Variants in FAM184A observed in about 807,000 individuals in gnomAD.
FAM184A encodes the protein protein FAM184A.
FAM184A carries 99 observed loss-of-function variants against 143.8 expected under a neutral mutation model. That is an observed-to-expected ratio of 0.69 (90% CI 0.58 to 0.81). The LOEUF (loss-of-function observed/expected upper bound fraction) is 0.81, where lower values mean the gene tolerates loss of function less well. Ranked by LOEUF, FAM184A falls within the 40% of genes least tolerant of loss-of-function variation. The pLI is 0.00. For synonymous variants in FAM184A, 427 were observed against 446.4 expected (o/e 0.96, Z 0.55); for missense variants, 1,217 against 1,310.5 (o/e 0.93, Z 1.10).
intron 9 of FAM184A, among the ~76,000 whole-genome samples, chr6:118,996,698 C>A (rs977363577): frequency 2.0e-5 from 3 of 152,022 alleles, no homozygotes; most frequent in African/African-American, 7.2e-5. Flanking sequence ...GTCAAGGAAT[C>A]TGACTGAGTT....
intron 1 of FAM184A, among the ~76,000 whole-genome samples, chr6:119,050,462 TA>T (rs980061731): frequency 1.2e-4 from 13 of 107,292 alleles, no homozygotes; most frequent in South Asian, 3.1e-4. Flanking sequence ...GTTTTTTTTT[TA>T]AAAAAAGGGT....
chr6:119,063,525 T>G (rs1211379410), intron 1 of FAM184A, among the ~76,000 whole-genome samples: 3 of 152,214 alleles, frequency 2.0e-5, no homozygotes, highest in Non-Finnish European at 4.4e-5. Context: ...GTAGTGTATA[T>G]TCATAACATG....
chr6:119,027,879 G>C (rs1191502867), intron 1 of FAM184A, among the ~76,000 whole-genome samples: 1 of 152,146 alleles, frequency 6.6e-6, no homozygotes, highest in South Asian at 2.1e-4. Context: ...ATTCCCTCTA[G>C]CAAGTCAGCA....
At chr6:118,960,914 G>C in intron 17 of FAM184A, 1 of 1,019,882 alleles carries the variant, frequency 9.8e-7, no homozygotes, top group South Asian at 1.4e-5. Flanking sequence ...ATATTTAGCA[G>C]GAGACAAATT....
chr6:119,034,039 TATAG>T (rs1189057637), intron 1 of FAM184A, among the ~76,000 whole-genome samples: 525 of 30,244 alleles, frequency 0.017, 2 homozygotes, highest in African/African-American at 0.029. Flanking sequence ...TATATATATA[TATAG>T]AGAGAGAGAG....
At chr6:119,008,704 C>T (rs534366344) in intron 6 of FAM184A, among the ~76,000 whole-genome samples, 1 of 152,266 alleles carries the variant, frequency 6.6e-6, no homozygotes, top group African/African-American at 2.4e-5. Context: ...AACCTCCTCC[C>T]TGAAATATCC....
intron 1 of FAM184A, among the ~76,000 whole-genome samples, chr6:119,065,574 T>G (rs183678731): frequency 5.9e-5 from 9 of 152,310 alleles, no homozygotes; most frequent in Admixed American, 3.9e-4. Context: ...ATCTAGTCCA[T>G]CTAGTCACTC....
Position 119,129,010 on chromosome 6 carries a change from A to T in FAM184A, c.-202+20068T>A, listed in dbSNP as rs544771822. Among the ~76,000 whole-genome samples the T allele has an allele frequency of 2.2e-4, 33 of 152,090 alleles. No homozygotes were observed. The South Asian group carries it at 6.9e-3, about 32-fold the overall frequency. ...AACCTTAGCTTCACAATCTCCCTTA[A>T]CTCAAGCATTTCTTTGTGCTGACTT... On this transcript the variant is annotated intron_variant, in intron 1 of 16. Coordinates refer to the FAM184A transcript ENST00000352896.
At chr6:119,033,677 AAG>A (rs554517618) in intron 1 of FAM184A, among the ~76,000 whole-genome samples, 3,641 of 142,876 alleles carry the variant, frequency 0.025, 173 homozygotes, top group African/African-American at 0.09. Flanking sequence ...AAAAAAAAAA[AAG>A]AAAGAAAGAA....
intron 1 of FAM184A, among the ~76,000 whole-genome samples, chr6:119,137,721 T>C (rs2114885682): frequency 6.6e-6 from 1 of 152,316 alleles, no homozygotes; most frequent in Middle Eastern, 3.4e-3. Flanking sequence ...TCAGGTTCTA[T>C]GGGGTTTACT....
At chr6:119,115,536 A>G (rs1789033998) in intron 1 of FAM184A, among the ~76,000 whole-genome samples, 1 of 152,234 alleles carries the variant, frequency 6.6e-6, no homozygotes, top group Non-Finnish European at 1.5e-5. Flanking sequence ...TAATTAAAAA[A>G]TAAAAAATAA....
intron 14 of FAM184A, among the ~76,000 whole-genome samples, chr6:118,967,816 C>G (rs1430069037): frequency 2.0e-5 from 3 of 152,082 alleles, no homozygotes; most frequent in Non-Finnish European, 4.4e-5. Context: ...ATTTCAATAA[C>G]ATTATTCAAT....
intron 1 of FAM184A, among the ~76,000 whole-genome samples, chr6:119,034,915 T>C (rs549394260): frequency 3.0e-4 from 46 of 152,276 alleles, no homozygotes; most frequent in African/African-American, 1.1e-3. Context: ...ATGAATTTTG[T>C]TTACAAAAGG....
At chr6:119,124,363 T>C (rs1207824361) in intron 1 of FAM184A, among the ~76,000 whole-genome samples, 1 of 152,180 alleles carries the variant, frequency 6.6e-6, no homozygotes, top group Non-Finnish European at 1.5e-5. Flanking sequence ...TGGCAATGTT[T>C]TATGTAAATT....
chr6:119,034,580 T>TA (rs34909667), intron 1 of FAM184A, among the ~76,000 whole-genome samples: 88,037 of 148,008 alleles, frequency 0.59, 27,114 homozygotes, highest in East Asian at 0.72. Flanking sequence ...TTTTTTTTTT[T>TA]AAAAAAACCT....
chr6:118,994,139 G>A (rs1323930308), intron 9 of FAM184A, among the ~76,000 whole-genome samples: 1 of 152,134 alleles, frequency 6.6e-6, no homozygotes, highest in Non-Finnish European at 1.5e-5. Context: ...GTTTACCACA[G>A]TTGCAATTTA....
In FAM184A at chr6:118,961,722, A is replaced by G. The variant is rs761366883; in HGVS notation, c.3341+39T>C. The G allele has an allele frequency of 3.2e-6, 5 of 1,544,580 alleles. No individual in the cohort carries two copies. In the Admixed American group the frequency reaches 8.9e-5, roughly 28 times the overall value. Reference sequence around the variant, plus strand: ...GTAAGAAGGTAAATTTCTCAAGTTAAAAAAGAAAAGAAAAAAACATTGGTG... The same window carrying G: ...GTAAGAAGGTAAATTTCTCAAGTTAGAAAAGAAAAGAAAAAAACATTGGTG... On this transcript the variant is annotated intron_variant, in intron 17 of 17. Coordinates refer to ENST00000338891, the MANE Select transcript of FAM184A (RefSeq NM_024581.6).
chr6:119,056,483 T>C (rs2146762), intron 1 of FAM184A, among the ~76,000 whole-genome samples: 31,494 of 152,166 alleles, frequency 0.21, 3,612 homozygotes, highest in Middle Eastern at 0.26. Flanking sequence ...CTAGAATACA[T>C]TTCTTGTCTT....
At chr6:119,055,182 C>G (rs1342794) in intron 1 of FAM184A, among the ~76,000 whole-genome samples, 73,199 of 151,984 alleles carry the variant, frequency 0.48, 19,436 homozygotes, top group East Asian at 0.95. Context: ...TTTCACTTAG[C>G]ATAATGTTTT....
Sources: allele counts gnomAD v4.1 joint callset (sites outside exome capture counted in the v4.1 genomes callset), GRCh38; gene constraint gnomAD v4.1.1; transcripts MANE v1.5; gene names NCBI Gene and HGNC (gene_info 2026-07-23, HGNC 2026-07-21).